Variants in RAB38 observed in about 807,000 individuals in gnomAD.
RAB38 encodes RAB38, member RAS oncogene family.
A neutral mutation model predicts 18.4 loss-of-function variants in RAB38; 15 were observed. That is an observed-to-expected ratio of 0.82 (90% CI 0.55 to 1.26). RAB38 has a LOEUF of 1.26. Ranked by LOEUF, RAB38 falls within the 50% of genes most tolerant of loss-of-function variation. The pLI, the probability that RAB38 is intolerant of heterozygous loss-of-function variation, is 0.00. For missense variants in RAB38, 294 were observed against 267.4 expected, an observed-to-expected ratio of 1.10 and a Z score of -0.69; for synonymous variants, 101 against 104.4, an observed-to-expected ratio of 0.97 and a Z score of 0.20.
chr11:87,947,847 T>C, the RAB38 span, among the ~76,000 whole-genome samples: 1 of 152,222 alleles, frequency 6.6e-6, no homozygotes, highest in Non-Finnish European at 1.5e-5. Context: ...GCTTTTGTTC[T>C]TTTGGCTTAG....
chr11:88,058,835 C>G, the RAB38 span, among the ~76,000 whole-genome samples: 1 of 152,162 alleles, frequency 6.6e-6, no homozygotes, highest in Non-Finnish European at 1.5e-5. Context: ...TTCTTTTGCA[C>G]ATCAAGACAT....
At chr11:88,150,107 A>G in intron 1 of RAB38, 152 bp from the exon 2 acceptor site, 1 of 831,754 alleles carries the variant, frequency 1.2e-6, no homozygotes. Context: ...ATATGCAATC[A>G]TGTAGCTTGT....
chr11:87,925,237 A>C, the RAB38 span, among the ~76,000 whole-genome samples: 1 of 152,112 alleles, frequency 6.6e-6, no homozygotes, highest in South Asian at 2.1e-4. Context: ...ACTTGGTGTA[A>C]GTCATAAATA....
At chr11:87,895,770 CA>C in the RAB38 span, among the ~76,000 whole-genome samples, 2 of 151,378 alleles carry the variant, frequency 1.3e-5, no homozygotes, top group Admixed American at 1.3e-4. Flanking sequence ...CACTGAGCCA[CA>C]AAAAATGAGA....
At chr11:87,817,401 G>C in the RAB38 span, 1 of 152,072 alleles carries the variant, frequency 6.6e-6, no homozygotes, top group Non-Finnish European at 1.5e-5. Flanking sequence ...ATAGATTAAA[G>C]AAAGACTTAG....
chr11:88,045,663 C>T, the RAB38 span, among the ~76,000 whole-genome samples: 4 of 152,292 alleles, frequency 2.6e-5, no homozygotes, highest in South Asian at 2.1e-4. Flanking sequence ...GGCTGACGAT[C>T]GACGCTGCCT....
At chr11:87,809,202 C>G in the RAB38 span, among the ~76,000 whole-genome samples, 1 of 152,080 alleles carries the variant, frequency 6.6e-6, no homozygotes, top group East Asian at 1.9e-4. Flanking sequence ...TGACAAAATT[C>G]AGCTATATGT....
chr11:87,836,854 G>A, the RAB38 span, among the ~76,000 whole-genome samples: 1 of 152,088 alleles, frequency 6.6e-6, no homozygotes, highest in Non-Finnish European at 1.5e-5. Context: ...CCAGGATTTT[G>A]TACTTTAAAT....
the RAB38 span, among the ~76,000 whole-genome samples, chr11:87,977,357 A>C: frequency 8.5e-6 from 1 of 117,338 alleles, no homozygotes; most frequent in Admixed American, 1.0e-4. Context: ...ATATTATATA[A>C]GTATATTATA....
chr11:88,047,751 G>A, the RAB38 span, among the ~76,000 whole-genome samples: 2 of 152,216 alleles, frequency 1.3e-5, no homozygotes, highest in East Asian at 1.9e-4. Flanking sequence ...TGCTTATGCC[G>A]GTAAGATAGC....
At chr11:88,027,654 G>C in the RAB38 span, among the ~76,000 whole-genome samples, 1 of 150,472 alleles carries the variant, frequency 6.6e-6, no homozygotes, top group African/African-American at 2.5e-5. Flanking sequence ...CTGCAAGGCG[G>C]CAGCGAGGCT....
chr11:88,052,925 T>TTTC, the RAB38 span, among the ~76,000 whole-genome samples: 203 of 25,080 alleles, frequency 8.1e-3, 10 homozygotes, highest in South Asian at 0.14. Context: ...TATATATATA[T>TTTC]ATATATATAT....
At chr11:88,074,623 C>A in the RAB38 span, among the ~76,000 whole-genome samples, 5 of 151,800 alleles carry the variant, frequency 3.3e-5, no homozygotes, top group Non-Finnish European at 7.4e-5. Flanking sequence ...CAAAGGATGA[C>A]AGTAAGAAAG....
At chr11:87,977,504 T>G in the RAB38 span, among the ~76,000 whole-genome samples, 1 of 109,278 alleles carries the variant, frequency 9.2e-6, no homozygotes, top group Non-Finnish European at 1.7e-5. Flanking sequence ...TAATTTTATA[T>G]GATTATGTAA....
chr11:87,860,806 C>G, the RAB38 span, among the ~76,000 whole-genome samples: 2 of 151,540 alleles, frequency 1.3e-5, no homozygotes, highest in African/African-American at 4.8e-5. Flanking sequence ...TTTTATTTTA[C>G]AAGTCAGAGC....
the RAB38 span, among the ~76,000 whole-genome samples, chr11:88,019,703 T>C: frequency 6.6e-6 from 1 of 152,270 alleles, no homozygotes; most frequent in South Asian, 2.1e-4. Flanking sequence ...CACTCCTACT[T>C]CAGTCTCTTT....
At chr11:87,963,683 G>C in the RAB38 span, among the ~76,000 whole-genome samples, 1 of 140,220 alleles carries the variant, frequency 7.1e-6, no homozygotes. Flanking sequence ...TTCTTGCTCT[G>C]TTGCCCAGGC....
At chr11:88,133,792 G>C (rs993335071) in intron 2 of RAB38, among the ~76,000 whole-genome samples, 3 of 152,150 alleles carry the variant, frequency 2.0e-5, no homozygotes. Context: ...AGAAAAAAAA[G>C]AGTGAAAAGT....
At chr11:88,141,806 A>C (rs1256453186) in intron 2 of RAB38, among the ~76,000 whole-genome samples, 1 of 152,126 alleles carries the variant, frequency 6.6e-6, no homozygotes, top group Non-Finnish European at 1.5e-5. Context: ...CTCTGCCTAG[A>C]ATACCTTTCT....
Sources: allele counts gnomAD v4.1 joint callset (sites outside exome capture counted in the v4.1 genomes callset), GRCh38; gene constraint gnomAD v4.1.1; transcripts MANE v1.5; gene names NCBI Gene and HGNC (gene_info 2026-07-23, HGNC 2026-07-21).